MAGI2: variants seen among roughly 807,000 people sequenced by gnomAD.
MAGI2 encodes the protein membrane associated guanylate kinase, WW and PDZ domain containing 2.
In MAGI2, 35 loss-of-function variants were observed where a neutral mutation model predicts 133.3. The ratio of observed to expected loss-of-function variants is 0.26; its 90% CI spans 0.20 to 0.35. The LOEUF is 0.35. Ranked by LOEUF, MAGI2 falls within the 10% of genes least tolerant of loss-of-function variation. The pLI is 1.00. For synonymous variants in MAGI2, 729 were observed against 710.6 expected (o/e 1.03, Z -0.41); for missense variants, 1,636 against 1,863.4 (o/e 0.88, Z 2.25).
chr7:78,942,876 C>A (rs1469367776), intron 2 of MAGI2, among the ~76,000 whole-genome samples: 1 of 145,404 alleles, frequency 6.9e-6, no homozygotes, highest in East Asian at 2.0e-4. Context: ...AGTGCAGAAT[C>A]TAGGGCGTAG....
chr7:78,246,852 G>A (rs575773511), intron 10 of MAGI2, among the ~76,000 whole-genome samples: 6 of 152,242 alleles, frequency 3.9e-5, no homozygotes, highest in South Asian at 4.1e-4. Flanking sequence ...GGCCAGTGCC[G>A]TGCCCTGCCC....
intron 10 of MAGI2, chr7:78,251,736 T>C (rs1031579648): frequency 6.6e-6 from 1 of 152,178 alleles, no homozygotes; most frequent in African/African-American, 2.4e-5. Context: ...TGAAGAGATA[T>C]ACTATCTTTA....
At chr7:79,017,204 T>G (rs567889851) in intron 1 of MAGI2, among the ~76,000 whole-genome samples, 64 of 152,304 alleles carry the variant, frequency 4.2e-4, no homozygotes, top group African/African-American at 1.2e-3. Context: ...TAGCCAGCTG[T>G]CTGGAAACAA....
rs768120484 is a variant in MAGI2, at chr7:78,019,838, G to A, written c.3845C>T (p.Pro1282Leu). ...PPSDPSHQISPGPTWDIKREH... is the reference protein window; with the variant it reads ...PPSDPSHQISLGPTWDIKREH... ...CCGTTTGATATCCCAAGTTGGGCCTGGGCTTATCTGGTGGGAAGGGTCGGA... is the reference window on the plus strand; with the variant it reads ...CCGTTTGATATCCCAAGTTGGGCCTAGGCTTATCTGGTGGGAAGGGTCGGA... Residue 1282 changes from proline to leucine, a missense_variant, in exon 22 of 22, where the codon CCA (proline) becomes CTA (leucine). Pro to Leu is a moderately conservative substitution (Grantham distance 98). This residue lies in a region of MAGI2 where 354 missense variants were observed against 298.7 expected (regional missense o/e 1.19). Transcript: ENST00000354212. The A allele has an allele frequency of 6.2e-7, 1 of 1,613,510 alleles. No individual in the cohort carries two copies. Among genetic ancestry groups the A allele is most frequent in the South Asian group, 1.1e-5 (1 of 91,062 alleles).
At chr7:79,241,851 T>A (rs1414210380) in intron 1 of MAGI2, among the ~76,000 whole-genome samples, 2 of 152,196 alleles carry the variant, frequency 1.3e-5, no homozygotes, top group Non-Finnish European at 2.9e-5. Flanking sequence ...CCTGGATTTG[T>A]GCCTCATGAT....
At chr7:79,151,682 G>A (rs1436119878) in intron 1 of MAGI2, among the ~76,000 whole-genome samples, 1 of 152,064 alleles carries the variant, frequency 6.6e-6, no homozygotes, top group Non-Finnish European at 1.5e-5. Flanking sequence ...GCTGAATTCT[G>A]GACTTCAGCA....
At chr7:78,573,321 A>ATTTATATATAT (rs1801884342) in intron 3 of MAGI2, among the ~76,000 whole-genome samples, 12 of 51,436 alleles carry the variant, frequency 2.3e-4, no homozygotes, top group African/African-American at 1.2e-3. Flanking sequence ...TAAATATATA[A>ATTTATATATAT]ATATATATAT....
chr7:78,156,274 G>A (rs3779289), intron 16 of MAGI2, among the ~76,000 whole-genome samples: 54,263 of 151,856 alleles, frequency 0.36, 10,678 homozygotes, highest in African/African-American at 0.52. Context: ...GAGAAAGACT[G>A]TGTTCCCAGA....
At chr7:78,702,025 T>G (rs1342816035) in intron 2 of MAGI2, among the ~76,000 whole-genome samples, 1 of 151,920 alleles carries the variant, frequency 6.6e-6, no homozygotes, top group Non-Finnish European at 1.5e-5. Context: ...AGAAGGGAAC[T>G]CCCCTTGAGA....
intron 2 of MAGI2, among the ~76,000 whole-genome samples, chr7:78,909,319 C>A (rs1207818542): frequency 6.6e-6 from 1 of 151,132 alleles, no homozygotes; most frequent in Non-Finnish European, 1.5e-5. Context: ...AACGGCTAGG[C>A]GCGGTGGCTC....
chr7:79,410,877 T>C (rs1301147155), intron 1 of MAGI2: 1 of 152,166 alleles, frequency 6.6e-6, no homozygotes, highest in Non-Finnish European at 1.5e-5. Context: ...ATATTTTCAG[T>C]TTTGTTCAAA....
chr7:78,783,807 CTACTG>C (rs1826589207), intron 2 of MAGI2, among the ~76,000 whole-genome samples: 1 of 152,164 alleles, frequency 6.6e-6, no homozygotes, highest in African/African-American at 2.4e-5. Flanking sequence ...AGCAAAATAA[CTACTG>C]TAGTGAAATC....
At chr7:78,292,385 A>C (rs1796808713) in intron 9 of MAGI2, among the ~76,000 whole-genome samples, 1 of 152,204 alleles carries the variant, frequency 6.6e-6, no homozygotes, top group Non-Finnish European at 1.5e-5. Context: ...AGGGATGTGA[A>C]GGACCTCTTC....
chr7:78,856,020 T>G (rs951439598), intron 2 of MAGI2, among the ~76,000 whole-genome samples: 2 of 152,260 alleles, frequency 1.3e-5, no homozygotes. Context: ...AAGCATTTTT[T>G]CATGTGTCTG....
At chr7:79,043,425 C>G (rs1811858264) in intron 1 of MAGI2, among the ~76,000 whole-genome samples, 2 of 150,988 alleles carry the variant, frequency 1.3e-5, no homozygotes, top group Admixed American at 1.3e-4. Flanking sequence ...CGCCTGTAAT[C>G]CCAGCTACTC....
At chr7:78,452,519 T>C (rs1449769351) in intron 6 of MAGI2, among the ~76,000 whole-genome samples, 5 of 151,996 alleles carry the variant, frequency 3.3e-5, no homozygotes, top group Admixed American at 6.6e-5. Context: ...AAATAAATAG[T>C]TGAAAATATA....
chr7:78,455,883 C>T (rs1196380171), intron 6 of MAGI2, among the ~76,000 whole-genome samples: 1 of 152,020 alleles, frequency 6.6e-6, no homozygotes, highest in Admixed American at 6.6e-5. Context: ...CACATTTGCC[C>T]TTTTAGGAAT....
chr7:78,825,469 G>A (rs1258292885), intron 2 of MAGI2, among the ~76,000 whole-genome samples: 2 of 152,054 alleles, frequency 1.3e-5, no homozygotes, highest in African/African-American at 4.8e-5. Flanking sequence ...TTTGTAGTAC[G>A]TTTTAATAAA....
chr7:79,109,997 G>A (rs1441331398), intron 1 of MAGI2, among the ~76,000 whole-genome samples: 1 of 152,228 alleles, frequency 6.6e-6, no homozygotes, highest in African/African-American at 2.4e-5. Flanking sequence ...TGGCAGATCT[G>A]GCCCCAGTCT....
Sources: allele counts gnomAD v4.1 joint callset (sites outside exome capture counted in the v4.1 genomes callset), GRCh38; gene constraint gnomAD v4.1.1; regional missense constraint gnomAD v4.1.1; transcripts MANE v1.5; gene names NCBI Gene and HGNC (gene_info 2026-07-23, HGNC 2026-07-21).